PALM2AKAP2: variants seen among roughly 807,000 people sequenced by gnomAD.
The protein encoded by PALM2AKAP2 is PALM2-AKAP2 fusion protein.
Under a neutral mutation model 71.5 loss-of-function variants are expected in PALM2AKAP2, and 37 were observed. The ratio of observed to expected loss-of-function variants is 0.52; its 90% CI spans 0.40 to 0.68. PALM2AKAP2 has a LOEUF of 0.68. Among genes scored for constraint, PALM2AKAP2 ranks in the 30% least tolerant of loss-of-function variants. The probability of loss-of-function intolerance (pLI) is 0.00; values close to 1 mark genes in which losing one functional copy is unlikely to be tolerated. For synonymous variants in PALM2AKAP2, 468 were observed against 478.8 expected, an observed-to-expected ratio of 0.98 and a Z score of 0.29; for missense variants, 1,224 against 1,191.8, an observed-to-expected ratio of 1.03 and a Z score of -0.40.
At chr9:109,936,471 C>T (rs1272100119) in intron 6 of PALM2AKAP2, among the ~76,000 whole-genome samples, 2 of 152,166 alleles carry the variant, frequency 1.3e-5, no homozygotes, top group Non-Finnish European at 2.9e-5. Context: ...TATGTGAACA[C>T]ATATTTATAT....
intron 6 of PALM2AKAP2, among the ~76,000 whole-genome samples, chr9:109,973,473 G>T (rs1832110175): frequency 6.6e-6 from 1 of 152,188 alleles, no homozygotes; most frequent in Non-Finnish European, 1.5e-5. Flanking sequence ...GAACCATATA[G>T]TGGCTCTTAA....
upstream of PALM2AKAP2, among the ~76,000 whole-genome samples, chr9:110,047,297 T>A (rs561860663): frequency 4.6e-5 from 7 of 152,216 alleles, no homozygotes; most frequent in Admixed American, 1.3e-4. Flanking sequence ...CATTGTAGAC[T>A]TCATCCTCTT....
At chr9:110,007,999 C>A (rs1832815904) in intron 6 of PALM2AKAP2, among the ~76,000 whole-genome samples, 1 of 152,150 alleles carries the variant, frequency 6.6e-6, no homozygotes, top group Non-Finnish European at 1.5e-5. Flanking sequence ...GAGGCAGGAC[C>A]CCTTCTGGAA....
At chr9:110,114,298 C>G (rs1255532409) in intron 1 of PALM2AKAP2, among the ~76,000 whole-genome samples, 1 of 152,188 alleles carries the variant, frequency 6.6e-6, no homozygotes, top group African/African-American at 2.4e-5. Flanking sequence ...GGAGTTTCCT[C>G]TGTGTGTATA....
chr9:110,089,406 A>G (rs1235736927), intron 1 of PALM2AKAP2, among the ~76,000 whole-genome samples: 1 of 152,214 alleles, frequency 6.6e-6, no homozygotes, highest in African/African-American at 2.4e-5. Flanking sequence ...GGCTACAGCA[A>G]GTCCTGAGAT....
At chr9:110,061,245 A>G (rs1290765139) in intron 1 of PALM2AKAP2, among the ~76,000 whole-genome samples, 3 of 152,208 alleles carry the variant, frequency 2.0e-5, no homozygotes, top group African/African-American at 7.2e-5. Context: ...ATACAAATTA[A>G]CAATTACTGC....
chr9:110,088,782 C>T (rs901931398), intron 1 of PALM2AKAP2, among the ~76,000 whole-genome samples: 5 of 127,168 alleles, frequency 3.9e-5, no homozygotes, highest in South Asian at 5.6e-4. Context: ...TGCAGTGATG[C>T]GATCTCAGTT....
chr9:109,652,617 G>C (rs1827242147), intron 1 of PALM2AKAP2, among the ~76,000 whole-genome samples: 1 of 152,180 alleles, frequency 6.6e-6, no homozygotes, highest in Non-Finnish European at 1.5e-5. Context: ...TTGTTGTTTA[G>C]ACTGCTTGCC....
chr9:110,067,972 T>G (rs931683933), intron 1 of PALM2AKAP2, among the ~76,000 whole-genome samples: 1 of 142,150 alleles, frequency 7.0e-6, no homozygotes, highest in Non-Finnish European at 1.5e-5. Context: ...TTAAGAATAA[T>G]GACGAGGCTG....
At chr9:110,141,141 G>T (rs1445432268) in intron 2 of PALM2AKAP2, among the ~76,000 whole-genome samples, 1 of 152,066 alleles carries the variant, frequency 6.6e-6, no homozygotes, top group Admixed American at 6.5e-5. Context: ...ACCGGCTGTT[G>T]TCCATCAGGC....
chr9:109,649,429 C>T (rs1385773629), intron 1 of PALM2AKAP2, among the ~76,000 whole-genome samples: 1 of 152,126 alleles, frequency 6.6e-6, no homozygotes, highest in African/African-American at 2.4e-5. Flanking sequence ...CTAAGTAGGG[C>T]TCACTTCTGA....
At chr9:109,756,446 C>G (rs547705135) in intron 1 of PALM2AKAP2, among the ~76,000 whole-genome samples, 1 of 152,200 alleles carries the variant, frequency 6.6e-6, no homozygotes, top group South Asian at 2.1e-4. Context: ...ATATGTTTTC[C>G]TATTTTGTTG....
At chr9:109,890,638 AG>A (rs1160225678) in intron 3 of PALM2AKAP2, among the ~76,000 whole-genome samples, 1 of 152,244 alleles carries the variant, frequency 6.6e-6, no homozygotes, top group Non-Finnish European at 1.5e-5. Context: ...TTACACACTA[AG>A]AGATGACTTA....
chr9:109,894,079 G>A (rs917921957), intron 3 of PALM2AKAP2, among the ~76,000 whole-genome samples: 5 of 149,006 alleles, frequency 3.4e-5, no homozygotes, highest in African/African-American at 1.2e-4. Context: ...GCTCATGCCT[G>A]TAATCCCAGC....
At chr9:109,897,831 A>G (rs1057457568) in intron 3 of PALM2AKAP2, among the ~76,000 whole-genome samples, 4 of 152,204 alleles carry the variant, frequency 2.6e-5, no homozygotes, top group Non-Finnish European at 5.9e-5. Context: ...TCACATTTTT[A>G]GAAATGACTT....
chr9:110,035,272 A>ATACATATTGTACATATG (rs1833363049), intron 7 of PALM2AKAP2, among the ~76,000 whole-genome samples: 3 of 137,158 alleles, frequency 2.2e-5, no homozygotes, highest in Non-Finnish European at 3.1e-5. Flanking sequence ...CATATATAAT[A>ATACATATTGTACATATG]TATAATATAC....
chr9:109,689,347 C>T (rs571304542), intron 1 of PALM2AKAP2, among the ~76,000 whole-genome samples: 28 of 151,950 alleles, frequency 1.8e-4, no homozygotes, highest in East Asian at 1.7e-3. Context: ...GGATTACAGG[C>T]GCCCACCATG....
At chr9:109,702,184 G>A (rs1345349648) in intron 1 of PALM2AKAP2, among the ~76,000 whole-genome samples, 11 of 152,058 alleles carry the variant, frequency 7.2e-5, no homozygotes, top group East Asian at 3.9e-4. Flanking sequence ...TCAGTGTGGC[G>A]ATTCCTCAGG....
chr9:109,893,763 T>A lies in PALM2AKAP2; in HGVS notation c.257+13082T>A, dbSNP rs974230066. ...TACCCAACCATCTCAGCAGTTATTTTAAAAAATGTTTAGCCTTCTGATGAG... is the reference window on the plus strand; with the variant it reads ...TACCCAACCATCTCAGCAGTTATTTAAAAAAATGTTTAGCCTTCTGATGAG... On this transcript the variant is annotated intron_variant, in intron 3 of 9. Coordinates refer to the PALM2AKAP2 transcript ENST00000302798. Among the ~76,000 whole-genome samples the A allele has an allele frequency of 2.6e-5, 4 of 152,220 alleles. No homozygotes were observed. In the East Asian group the frequency reaches 7.7e-4, roughly 29 times the overall value.
Sources: allele counts gnomAD v4.1 joint callset (sites outside exome capture counted in the v4.1 genomes callset), GRCh38; gene constraint gnomAD v4.1.1; transcripts MANE v1.5; gene names NCBI Gene and HGNC (gene_info 2026-07-23, HGNC 2026-07-21).